The following HMCN1 variants were observed in gnomAD, a reference collection of about 807,000 sequenced individuals.
The protein encoded by HMCN1 is hemicentin-1.
Under a neutral mutation model 625.9 loss-of-function variants are expected in HMCN1, and 321 were observed. The observed-to-expected ratio is 0.51, with a 90% confidence interval of 0.47 to 0.56. HMCN1 has a LOEUF of 0.56. Ranked by LOEUF, HMCN1 falls within the 20% of genes least tolerant of loss-of-function variation. HMCN1 has a pLI of 0.00. For synonymous variants in HMCN1, 2,425 were observed against 2,417.6 expected (o/e 1.00, Z -0.09); for missense variants, 6,588 against 6,887.3 (o/e 0.96, Z 1.54).
rs746531214 is a variant in HMCN1 at position 185,846,002 on chromosome 1, C to A, written c.269-24C>A. 6.7e-6 allele frequency: 10 copies of A among 1,487,674 alleles called. No individual in the cohort carries two copies. In the Admixed American group the frequency reaches 1.3e-4, roughly 20 times the overall value. 92.2% of individuals were successfully genotyped at this position (1,487,674 alleles called of 1,614,324 possible). On this transcript the variant is annotated intron_variant, in intron 1 of 106. Transcript: ENST00000271588. ...AATGCCATTGATTACTGTTTATTGACCTATGTTATTTTTATCTTCACAGAA... is the reference window on the plus strand; with the variant it reads ...AATGCCATTGATTACTGTTTATTGAACTATGTTATTTTTATCTTCACAGAA...
At chr1:185,755,902 A>C (rs959688) in intron 1 of HMCN1, among the ~76,000 whole-genome samples, 1 of 152,032 alleles carries the variant, frequency 6.6e-6, no homozygotes, top group Non-Finnish European at 1.5e-5. Context: ...AAATCTTTCA[A>C]CTTGGGGTCT....
At chr1:186,186,560 C>T (rs586727) in intron 105 of HMCN1, among the ~76,000 whole-genome samples, 32,142 of 152,038 alleles carry the variant, frequency 0.21, 3,579 homozygotes, top group Middle Eastern at 0.31. Context: ...CTAAGACCAT[C>T]GGTTTGTGGC....
At chr1:186,130,741 G>C (rs1279652771) in intron 85 of HMCN1, 44 bp downstream of exon 85, 2 of 1,521,044 alleles carry the variant, frequency 1.3e-6, no homozygotes, top group Non-Finnish European at 1.8e-6. Context: ...AACCCCCACA[G>C]CCAATACCCC....
intron 1 of HMCN1, among the ~76,000 whole-genome samples, chr1:185,785,374 C>T (rs1657490882): frequency 6.6e-6 from 1 of 152,138 alleles, no homozygotes; most frequent in South Asian, 2.1e-4. Context: ...TCTCTGGTGA[C>T]CATTTCTTAA....
At chr1:186,041,887 A>G (rs1055325485) in intron 40 of HMCN1, among the ~76,000 whole-genome samples, 10 of 152,146 alleles carry the variant, frequency 6.6e-5, no homozygotes, top group African/African-American at 1.4e-4. Context: ...CCTTCTCCTT[A>G]AAGTCCTACC....
At chr1:186,093,101 A>AT in intron 64 of HMCN1, 33 bp from the exon 65 acceptor site, 2 of 1,612,732 alleles carry the variant, frequency 1.2e-6, no homozygotes, top group Non-Finnish European at 8.5e-7. Flanking sequence ...ATTCAATCTC[A>AT]TCTCAGCCCC....
At chr1:186,072,298 A>C (rs894043215) in intron 52 of HMCN1, among the ~76,000 whole-genome samples, 18 of 152,192 alleles carry the variant, frequency 1.2e-4, no homozygotes, top group Non-Finnish European at 2.2e-4. Flanking sequence ...TTTTGATAGA[A>C]TCTTGAGTTT....
intron 48 of HMCN1, among the ~76,000 whole-genome samples, chr1:186,063,479 AAGGAAG>A (rs1657903664): frequency 6.9e-6 from 1 of 145,852 alleles, no homozygotes; most frequent in Non-Finnish European, 1.5e-5. Flanking sequence ...GGAAGGAAGG[AAGGAAG>A]GAAGGAAGGA....
intron 1 of HMCN1, among the ~76,000 whole-genome samples, chr1:185,760,252 C>T (rs1220939524): frequency 3.3e-5 from 5 of 152,134 alleles, no homozygotes; most frequent in Non-Finnish European, 4.4e-5. Flanking sequence ...TGAGTGGTTT[C>T]GTCTAGGAGC....
At chr1:185,798,932 G>A (rs1460344228) in intron 1 of HMCN1, among the ~76,000 whole-genome samples, 1 of 151,960 alleles carries the variant, frequency 6.6e-6, no homozygotes, top group African/African-American at 2.4e-5. Flanking sequence ...TGGTCCTTTG[G>A]GGTGTTGTAA....
chr1:186,019,759 G>A (rs2102151977), intron 35 of HMCN1, 64 bp downstream of exon 35: 1 of 1,382,154 alleles, frequency 7.2e-7, no homozygotes, highest in Middle Eastern at 1.8e-4. Flanking sequence ...GAAATATCAA[G>A]TTATTCTTTC....
intron 5 of HMCN1, 102 bp from the exon 6 acceptor site, chr1:185,911,572 T>C (rs1666422155): frequency 3.3e-6 from 3 of 901,602 alleles, no homozygotes; most frequent in South Asian, 2.6e-5. Context: ...CCAGTGTTAT[T>C]TGAAATTTGA....
In HMCN1 at chr1:185,984,331, T is replaced by C. The variant is rs904857867; in HGVS notation, c.2935+18T>C. The C allele has an allele frequency of 8.7e-6, 14 of 1,613,042 alleles. No homozygotes were observed. In the East Asian group the frequency reaches 3.1e-4, roughly 36 times the overall value. On this transcript the variant is annotated intron_variant, in intron 19 of 106. Transcript: ENST00000271588. ...TGTGCATGGTAAGAGACACACCCAA[T>C]GTTATTGTTTCGAAACTGTGTTCAA...
In HMCN1 at chr1:185,883,351, A is replaced by T. The variant is rs79328536; in HGVS notation, c.621+17488A>T. ...TGTATATGCTTATGTATTCCACTAC[A>T]ATTATGATACAGAACATTTCAACCA... On this transcript the variant is annotated intron_variant, in intron 4 of 106. Transcript: ENST00000271588. 2.7e-3 allele frequency among the ~76,000 whole-genome samples: 413 copies of T among 152,194 alleles called. 2 individuals carry two copies. The highest frequency in any genetic ancestry group is 9.4e-3 in the African/African-American group (392 of 41,568).
intron 2 of HMCN1, among the ~76,000 whole-genome samples, chr1:185,857,358 G>A (rs552571344): frequency 6.6e-6 from 1 of 152,066 alleles, no homozygotes; most frequent in East Asian, 1.9e-4. Context: ...TATATTTCAG[G>A]GTTCAAATAA....
chr1:186,063,449 A>AGAAGGAAGGAAGGAGG (rs1657890074), intron 48 of HMCN1, among the ~76,000 whole-genome samples: 1 of 104,294 alleles, frequency 9.6e-6, no homozygotes, highest in Non-Finnish European at 2.0e-5. Context: ...GGACGGAGAG[A>AGAAGGAAGGAAGGAGG]GAAGGAAGGA....
chr1:186,108,486 T>C lies in HMCN1; in HGVS notation c.10878T>C (p.Asp3626=), dbSNP rs1461832315. The change falls in exon 71 of 107, where the codon GAT becomes GAC. Residue 3626 remains aspartate, a synonymous_variant. Transcript: ENST00000271588. ...VHVPPNIAGT[D]EPRDITVLRN... Reference sequence around the variant, plus strand: ...TACCTCCTAATATTGCTGGAACTGATGAGCCCCGGGATATCACTGTGTTAC... The same window carrying C: ...TACCTCCTAATATTGCTGGAACTGACGAGCCCCGGGATATCACTGTGTTAC... The C allele has an allele frequency of 3.7e-6, 6 of 1,614,174 alleles. No homozygotes were observed. The highest frequency in any genetic ancestry group is 5.1e-6 in the Non-Finnish European group (6 of 1,180,012).
chr1:185,800,243 T>C (rs74135337), intron 1 of HMCN1, among the ~76,000 whole-genome samples: 6,238 of 152,252 alleles, frequency 0.041, 415 homozygotes, highest in African/African-American at 0.14. Flanking sequence ...GCAGGCTGCA[T>C]TGCTTCCCTC....
intron 1 of HMCN1, among the ~76,000 whole-genome samples, chr1:185,812,364 C>G (rs1264902675): frequency 6.6e-6 from 1 of 152,002 alleles, no homozygotes; most frequent in Non-Finnish European, 1.5e-5. Flanking sequence ...AGCTACTTGA[C>G]TTGAAAAAAA....
Sources: allele counts gnomAD v4.1 joint callset (sites outside exome capture counted in the v4.1 genomes callset), GRCh38; gene constraint gnomAD v4.1.1; transcripts MANE v1.5; gene names NCBI Gene and HGNC (gene_info 2026-07-23, HGNC 2026-07-21).